Variants in PPARGC1A observed in about 807,000 individuals in gnomAD.
The protein encoded by PPARGC1A is peroxisome proliferator-activated receptor gamma coactivator 1-alpha.
A neutral mutation model predicts 88.7 loss-of-function variants in PPARGC1A; 25 were observed. That is an observed-to-expected ratio of 0.28 (90% CI 0.21 to 0.39). The LOEUF is 0.39. Ranked by LOEUF, PPARGC1A falls within the 10% of genes least tolerant of loss-of-function variation. The pLI, the probability that PPARGC1A is intolerant of heterozygous loss-of-function variation, is 1.00. For missense variants in PPARGC1A, 880 were observed against 968.7 expected, an observed-to-expected ratio of 0.91 and a Z score of 1.22; for synonymous variants, 363 against 355.6, an observed-to-expected ratio of 1.02 and a Z score of -0.24.
chr4:23,905,161 A>G (rs542483506), upstream of PPARGC1A, among the ~76,000 whole-genome samples: 9 of 152,312 alleles, frequency 5.9e-5, no homozygotes, highest in African/African-American at 2.2e-4. Flanking sequence ...AATTCTGGCC[A>G]TAACTATTGA....
chr4:24,371,698 T>C, the PPARGC1A span, among the ~76,000 whole-genome samples: 2 of 150,932 alleles, frequency 1.3e-5, no homozygotes, highest in Admixed American at 1.3e-4. Context: ...CCCAGCACTT[T>C]GAGAGGCCGA....
chr4:23,854,027 G>C (rs1729762614), intron 2 of PPARGC1A, among the ~76,000 whole-genome samples: 1 of 152,152 alleles, frequency 6.6e-6, no homozygotes, highest in South Asian at 2.1e-4. Flanking sequence ...AAAGTGCTTA[G>C]AATACTGCCT....
chr4:24,225,442 G>A, the PPARGC1A span, among the ~76,000 whole-genome samples: 10 of 151,822 alleles, frequency 6.6e-5, no homozygotes, highest in East Asian at 5.8e-4. Context: ...GGTGGCAGGC[G>A]CCTGTAGTCC....
chr4:24,368,546 T>G, the PPARGC1A span, among the ~76,000 whole-genome samples: 2 of 152,158 alleles, frequency 1.3e-5, no homozygotes, highest in Non-Finnish European at 2.9e-5. Flanking sequence ...TGGGGGGTTC[T>G]CTCTTCAAGG....
the PPARGC1A span, among the ~76,000 whole-genome samples, chr4:23,931,104 C>T: frequency 6.6e-6 from 1 of 152,192 alleles, no homozygotes; most frequent in Non-Finnish European, 1.5e-5. Context: ...CTCACCCCAC[C>T]TCTGGGGACA....
At chr4:24,398,624 A>T in the PPARGC1A span, among the ~76,000 whole-genome samples, 1 of 152,194 alleles carries the variant, frequency 6.6e-6, no homozygotes, top group Non-Finnish European at 1.5e-5. Flanking sequence ...TGCAGCTCTC[A>T]TTCTGCTATT....
At chr4:24,164,918 G>A in the PPARGC1A span, among the ~76,000 whole-genome samples, 11 of 152,110 alleles carry the variant, frequency 7.2e-5, no homozygotes, top group Admixed American at 7.2e-4. Flanking sequence ...CAGAGCAAGT[G>A]CACTATTTTG....
chr4:23,803,852 G>A (rs1719239843), intron 10 of PPARGC1A, among the ~76,000 whole-genome samples: 1 of 152,178 alleles, frequency 6.6e-6, no homozygotes, highest in South Asian at 2.1e-4. Flanking sequence ...GTGATGAAAA[G>A]AGTAATTTGG....
At chr4:24,312,044 C>A in the PPARGC1A span, among the ~76,000 whole-genome samples, 1 of 152,316 alleles carries the variant, frequency 6.6e-6, no homozygotes, top group East Asian at 1.9e-4. Context: ...TCGTCTCCCG[C>A]TTTGCACAGC....
chr4:24,143,569 C>T, the PPARGC1A span, among the ~76,000 whole-genome samples: 1 of 151,888 alleles, frequency 6.6e-6, no homozygotes, highest in African/African-American at 2.4e-5. Flanking sequence ...GCTTTTGTAA[C>T]AAAAAATAGC....
At chr4:24,077,094 C>T in the PPARGC1A span, among the ~76,000 whole-genome samples, 2 of 151,972 alleles carry the variant, frequency 1.3e-5, no homozygotes, top group Non-Finnish European at 2.9e-5. Context: ...CAGATCAGTT[C>T]CACTTTTTTC....
At chr4:23,952,220 C>A in the PPARGC1A span, among the ~76,000 whole-genome samples, 1 of 152,194 alleles carries the variant, frequency 6.6e-6, no homozygotes, top group South Asian at 2.1e-4. Context: ...TTTAAATCAT[C>A]TGAAAGAGAA....
Position 23,843,053 on chromosome 4 carries a change from C to T in PPARGC1A, c.235-11302G>A, listed in dbSNP as rs142231124. On this transcript the variant is annotated intron_variant, in intron 2 of 12. Transcript: ENST00000264867. ...TACAGCATATTGGTTATTCACTTCC[C>T]GAATTTGTTTTTGGCAGTCCTAAGG... Among the ~76,000 whole-genome samples the T allele has an allele frequency of 5.7e-4, 86 of 152,082 alleles. 1 individual carries two copies. The East Asian group carries it at 0.015, about 27-fold the overall frequency.
At chr4:24,056,188 G>GT in the PPARGC1A span, among the ~76,000 whole-genome samples, 2 of 152,292 alleles carry the variant, frequency 1.3e-5, no homozygotes, top group South Asian at 4.1e-4. Flanking sequence ...AATGAAATGC[G>GT]TAAGTTTATG....
At chr4:24,106,428 C>G in the PPARGC1A span, among the ~76,000 whole-genome samples, 1 of 152,066 alleles carries the variant, frequency 6.6e-6, no homozygotes, top group East Asian at 1.9e-4. Flanking sequence ...AGGGGCAGGT[C>G]GAATGGCAAC....
At chr4:23,877,960 T>C (rs537588910) in intron 2 of PPARGC1A, 1 of 152,308 alleles carries the variant, frequency 6.6e-6, no homozygotes, top group South Asian at 2.1e-4. Flanking sequence ...AGACAGTTTG[T>C]CCAATGCAGC....
At chr4:24,258,766 A>C in the PPARGC1A span, among the ~76,000 whole-genome samples, 1 of 152,238 alleles carries the variant, frequency 6.6e-6, no homozygotes, top group Admixed American at 6.5e-5. Context: ...ATACTTCAGA[A>C]GTAATTTCGT....
At chr4:24,085,444 C>G in the PPARGC1A span, among the ~76,000 whole-genome samples, 1 of 152,154 alleles carries the variant, frequency 6.6e-6, no homozygotes, top group Non-Finnish European at 1.5e-5. Context: ...AAATAAGGGA[C>G]TTGATTGAGG....
chr4:24,422,170 C>T, the PPARGC1A span, among the ~76,000 whole-genome samples: 2 of 152,198 alleles, frequency 1.3e-5, no homozygotes, highest in African/African-American at 2.4e-5. Flanking sequence ...TTGTATCATC[C>T]ATGGCTGTTT....
Sources: gnomAD v4.1 joint callset for allele counts (sites outside exome capture counted in the v4.1 genomes callset) on GRCh38, gnomAD v4.1.1 for gene constraint, MANE v1.5 for transcripts, NCBI Gene and HGNC (gene_info 2026-07-23, HGNC 2026-07-21) for gene names.